Variants in BRSK2 observed in about 807,000 individuals in gnomAD.
BRSK2 encodes serine/threonine-protein kinase BRSK2.
A neutral mutation model predicts 83.3 loss-of-function variants in BRSK2; 19 were observed. That is an observed-to-expected ratio of 0.23 (90% CI 0.16 to 0.33). The LOEUF is 0.33. Among genes scored for constraint, BRSK2 ranks in the 10% least tolerant of loss-of-function variants. BRSK2 has a pLI of 1.00. For synonymous variants in BRSK2, 519 were observed against 435.4 expected (o/e 1.19, Z -2.39); for missense variants, 798 against 1,042.3 (o/e 0.77, Z 3.23).
intron 12 of BRSK2, among the ~76,000 whole-genome samples, chr11:1,446,118 AGCTGG>A (rs1273699059): frequency 3.2e-4 from 35 of 110,334 alleles, no homozygotes; most frequent in African/African-American, 1.4e-3. Flanking sequence ...CTGGGAGCTG[AGCTGG>A]GCTGGGCTGT....
chr11:1,424,382 C>T (rs894437452), intron 1 of BRSK2, among the ~76,000 whole-genome samples: 2 of 152,214 alleles, frequency 1.3e-5, no homozygotes, highest in Non-Finnish European at 2.9e-5. Flanking sequence ...ACAGGGAGAG[C>T]CAGGTGGGGA....
chr11:1,409,470 T>TTCACCGGGGCTCCCCTGC (rs1564802649), intron 1 of BRSK2: 1 of 152,262 alleles, frequency 6.6e-6, no homozygotes, highest in Non-Finnish European at 1.5e-5. Context: ...TTTCCCCCAG[T>TTCACCGGGGCTCCCCTGC]TCACCGGGGC....
At chr11:1,442,747 C>T (rs1564850703) in intron 5 of BRSK2, 141 bp downstream of exon 5, 2 of 704,234 alleles carry the variant, frequency 2.8e-6, no homozygotes, top group Non-Finnish European at 2.4e-6. Flanking sequence ...CCTGAGCCTC[C>T]CAGTACCCCA....
chr11:1,421,772 G>A (rs1848652341), intron 1 of BRSK2, among the ~76,000 whole-genome samples: 2 of 152,134 alleles, frequency 1.3e-5, no homozygotes, highest in Admixed American at 1.3e-4. Flanking sequence ...GAGGCCGAAG[G>A]GTCGGGGAGC....
chr11:1,442,356 G>C, intron 4 of BRSK2, 134 bp from the exon 5 acceptor site: 1 of 647,700 alleles, frequency 1.5e-6, no homozygotes. Context: ...GACATCACCA[G>C]GCTGGGCTGC....
intron 1 of BRSK2, chr11:1,409,270 T>C (rs1310772876): frequency 6.6e-6 from 1 of 152,250 alleles, no homozygotes; most frequent in East Asian, 1.9e-4. Flanking sequence ...GGCATCCTCA[T>C]GCTCCCGTGC....
rs964910732 is a variant in BRSK2 at position 1,423,505 on chromosome 11, GC to G, written c.92-12532del. On this transcript the variant is annotated intron_variant, in intron 1 of 19. Coordinates refer to ENST00000528841, the MANE Select transcript of BRSK2 (RefSeq NM_001256627.2). This position sits in a 1 kb window ranked among gnomAD's most constrained non-coding sequence, Gnocchi z 6.5. ...TAGGAGGTTCATGATGAAGGATGCG[GC>G]CCACAGTCGTGTGAGCAGAGGACGG... Among the ~76,000 whole-genome samples, 1 of 152,126 alleles carries G rather than the reference GC, an allele frequency of 6.6e-6. No individual in the cohort carries two copies. The highest frequency in any genetic ancestry group is 2.4e-5 in the African/African-American group (1 of 41,402).
chr11:1,396,534 C>G (rs1330555844), intron 1 of BRSK2, among the ~76,000 whole-genome samples: 2 of 152,244 alleles, frequency 1.3e-5, no homozygotes, highest in African/African-American at 4.8e-5. Flanking sequence ...AGGTCAGACC[C>G]CAGTCCCTGG....
chr11:1,401,138 G>T (rs1172849359), intron 1 of BRSK2, among the ~76,000 whole-genome samples: 1 of 152,174 alleles, frequency 6.6e-6, no homozygotes, highest in Admixed American at 6.6e-5. Flanking sequence ...AGAGCTGCAT[G>T]GGGCAGGGGA....
chr11:1,393,456 G>A (rs1323957567), intron 1 of BRSK2, among the ~76,000 whole-genome samples: 3 of 152,262 alleles, frequency 2.0e-5, no homozygotes, highest in African/African-American at 2.4e-5. Flanking sequence ...TCTGGGGGGC[G>A]GGAGAAAGGA....
At chr11:1,442,643 C>T in intron 5 of BRSK2, 37 bp downstream of exon 5, 2 of 1,535,076 alleles carry the variant, frequency 1.3e-6, no homozygotes, top group Non-Finnish European at 1.8e-6. Context: ...GGCTGGGGGA[C>T]AGGCTGGGCT....
chr11:1,459,326 G>A, intron 19 of BRSK2, 87 bp downstream of exon 19: 2 of 1,490,476 alleles, frequency 1.3e-6, no homozygotes, highest in South Asian at 2.3e-5. Flanking sequence ...CTGCCGCCCG[G>A]GTTGTCCCGG....
At position 1,442,617 on chromosome 11, in the gene BRSK2, C is replaced by G; in HGVS notation, c.530+11C>G. 1 of 1,600,384 alleles carries G rather than the reference C, an allele frequency of 6.2e-7. No individual in the cohort carries two copies. Among genetic ancestry groups the G allele is most frequent in the Non-Finnish European group, 8.6e-7 (1 of 1,168,760 alleles). On this transcript the variant is annotated intron_variant, in intron 5 of 19. Coordinates refer to ENST00000528841, the MANE Select transcript of BRSK2 (RefSeq NM_001256627.2). ...GGAGACCAGCTGTGGGTACGTGGCC[C>G]TCTGCCCTGGAGAGAGGCTGGGGGA...
rs536034690 is a variant in BRSK2 at position 1,447,035 on chromosome 11, G to A, written c.1226+1128G>A. Among the ~76,000 whole-genome samples, 200 of 152,166 alleles carry A rather than the reference G, an allele frequency of 1.3e-3. 3 individuals carry two copies. The highest frequency in any genetic ancestry group is 0.013 in the Admixed American group (192 of 15,296). On this transcript the variant is annotated intron_variant, in intron 12 of 19. Coordinates refer to ENST00000528841, the MANE Select transcript of BRSK2 (RefSeq NM_001256627.2). ...CCAGAGTACTGGTGGTCCCAGTTCT[G>A]GCAGCTCCCAGGCCATGGCCCCCTG... is the stretch of plus-strand genomic sequence containing the variant.
chr11:1,450,033 G>GT (rs890264211), intron 13 of BRSK2, among the ~76,000 whole-genome samples, 197 bp downstream of exon 13: 17 of 151,958 alleles, frequency 1.1e-4, no homozygotes, highest in South Asian at 2.1e-4. Context: ...GTTTTGTTTT[G>GT]TTTGTTTTCT....
intron 8 of BRSK2, among the ~76,000 whole-genome samples, chr11:1,444,662 C>T (rs906296709): frequency 6.6e-6 from 1 of 151,864 alleles, no homozygotes; most frequent in African/African-American, 2.4e-5. Flanking sequence ...CTCCCCCTCT[C>T]CCTCCGCTCC....
At chr11:1,398,421 C>A (rs946756065) in intron 1 of BRSK2, among the ~76,000 whole-genome samples, 3 of 152,146 alleles carry the variant, frequency 2.0e-5, no homozygotes, top group African/African-American at 4.8e-5. Flanking sequence ...AGGTGTGGTA[C>A]CCGCCCCGGG....
intron 1 of BRSK2, among the ~76,000 whole-genome samples, chr11:1,394,751 C>CTG (rs1845957073): frequency 2.0e-5 from 2 of 97,944 alleles, no homozygotes; most frequent in Non-Finnish European, 4.2e-5. Flanking sequence ...GAGATGGGTC[C>CTG]TGGAGATGGG....
intron 15 of BRSK2, among the ~76,000 whole-genome samples, chr11:1,452,812 G>C (rs544762094): frequency 4.0e-5 from 6 of 151,862 alleles, no homozygotes; most frequent in Non-Finnish European, 7.4e-5. Flanking sequence ...CGCCTTGGAC[G>C]AGGGTCCAGC....
Sources: gnomAD v4.1 joint callset for allele counts (sites outside exome capture counted in the v4.1 genomes callset) on GRCh38, gnomAD v4.1.1 for gene constraint, Gnocchi (gnomAD v3.1) non-coding constraint, MANE v1.5 for transcripts, NCBI Gene and HGNC (gene_info 2026-07-23, HGNC 2026-07-21) for gene names.